Variants in RBFOX2 observed in about 807,000 individuals in gnomAD.
RBFOX2 encodes RNA binding fox-1 homolog 2.
A neutral mutation model predicts 49.1 loss-of-function variants in RBFOX2; 10 were observed. The observed-to-expected ratio is 0.20, with a 90% CI of 0.13 to 0.35. RBFOX2 has a LOEUF of 0.35. RBFOX2 is among the 10% of genes least tolerant of loss of function. The probability of loss-of-function intolerance (pLI) is 1.00; values close to 1 mark genes in which losing one functional copy is unlikely to be tolerated. For synonymous variants in RBFOX2, 183 were observed against 187.4 expected, an observed-to-expected ratio of 0.98 and a Z score of 0.19; for missense variants, 323 against 486.9, an observed-to-expected ratio of 0.66 and a Z score of 3.17.
At chr22:35,982,822 T>C (rs2057527956) in intron 1 of RBFOX2, among the ~76,000 whole-genome samples, 1 of 151,912 alleles carries the variant, frequency 6.6e-6, no homozygotes, top group South Asian at 2.1e-4. Flanking sequence ...ACTAATCCTA[T>C]TTATTAGTGT....
intron 1 of RBFOX2, among the ~76,000 whole-genome samples, chr22:35,819,572 A>G (rs1019564970): frequency 8.5e-5 from 13 of 152,208 alleles, no homozygotes; most frequent in African/African-American, 2.7e-4. Flanking sequence ...TCTCAAGTCC[A>G]AATACCTTTG....
At chr22:35,743,144 T>C (rs984468345) in exon 12 of RBFOX2, 11 of 152,458 alleles carry the variant, frequency 7.2e-5, no homozygotes, top group African/African-American at 2.7e-4. Flanking sequence ...CTTTGTACTT[T>C]CTGAGGCAAG....
At chr22:35,940,887 G>C (rs542697020), upstream of RBFOX2, among the ~76,000 whole-genome samples, 11 of 152,234 alleles carry the variant, frequency 7.2e-5, no homozygotes, top group African/African-American at 2.6e-4. Context: ...TATTCATAGA[G>C]GCAGAATATA....
chr22:35,896,337 G>A (rs2047838791), intron 1 of RBFOX2, among the ~76,000 whole-genome samples: 1 of 152,058 alleles, frequency 6.6e-6, no homozygotes, highest in South Asian at 2.1e-4. Flanking sequence ...ACGGTAACAG[G>A]TTTTGAGGAA....
intron 1 of RBFOX2, among the ~76,000 whole-genome samples, chr22:35,826,761 A>G (rs1014892555): frequency 6.6e-6 from 1 of 152,228 alleles, no homozygotes; most frequent in East Asian, 1.9e-4. Context: ...CTATACATAT[A>G]TAACTGTGAG....
chr22:35,916,309 T>C (rs913091542), intron 1 of RBFOX2, among the ~76,000 whole-genome samples: 60 of 152,286 alleles, frequency 3.9e-4, no homozygotes, highest in African/African-American at 1.4e-3. Context: ...TGTGACAGGG[T>C]CTCACTCTGT....
intron 1 of RBFOX2, chr22:35,822,829 T>C: frequency 4.6e-6 from 1 of 218,772 alleles, no homozygotes. Flanking sequence ...TGGGTTGTCT[T>C]TTTTTTTTTT....
chr22:35,760,615 C>T (rs1308878513), intron 8 of RBFOX2, among the ~76,000 whole-genome samples: 1 of 152,102 alleles, frequency 6.6e-6, no homozygotes, highest in Non-Finnish European at 1.5e-5. Context: ...CAACTCCTAC[C>T]CTGTCCTTTA....
chr22:35,926,472 G>C (rs1389542379), intron 1 of RBFOX2, among the ~76,000 whole-genome samples: 2 of 152,044 alleles, frequency 1.3e-5, no homozygotes, highest in African/African-American at 2.4e-5. Context: ...CAAAATAACA[G>C]GTCAATCTAT....
upstream of RBFOX2, among the ~76,000 whole-genome samples, chr22:35,843,457 T>A (rs1274056362): frequency 6.6e-6 from 1 of 152,242 alleles, no homozygotes; most frequent in African/African-American, 2.4e-5. Context: ...GAGTGTTTCA[T>A]CCAATCTCCA....
chr22:35,915,662 G>T (rs1029945853), intron 1 of RBFOX2, among the ~76,000 whole-genome samples: 13 of 152,146 alleles, frequency 8.5e-5, no homozygotes, highest in African/African-American at 3.1e-4. Flanking sequence ...TTAAACCAAA[G>T]AGAAAGCCTC....
chr22:35,768,021 A>G (rs1382399393), intron 5 of RBFOX2, among the ~76,000 whole-genome samples: 1 of 152,092 alleles, frequency 6.6e-6, no homozygotes, highest in Non-Finnish European at 1.5e-5. Flanking sequence ...ACACACACGC[A>G]CACACACACA....
At chr22:35,885,666 CTAGG>C (rs1450755010) in intron 1 of RBFOX2, among the ~76,000 whole-genome samples, 1 of 151,964 alleles carries the variant, frequency 6.6e-6, no homozygotes, top group Non-Finnish European at 1.5e-5. Flanking sequence ...GGAATGAAAG[CTAGG>C]TCGTTTCCCC....
At chr22:35,831,659 T>C (rs956070194) in intron 1 of RBFOX2, among the ~76,000 whole-genome samples, 1 of 152,328 alleles carries the variant, frequency 6.6e-6, no homozygotes, top group South Asian at 2.1e-4. Context: ...AATTGTTTAC[T>C]ATCTGGCCCT....
At chr22:35,789,779 G>C (rs904635145) in intron 2 of RBFOX2, among the ~76,000 whole-genome samples, 1 of 152,122 alleles carries the variant, frequency 6.6e-6, no homozygotes, top group African/African-American at 2.4e-5. Context: ...CGTGGTGGTG[G>C]TGGTTGTTGT....
chr22:35,872,753 G>A (rs887126565), intron 1 of RBFOX2, among the ~76,000 whole-genome samples: 5 of 152,174 alleles, frequency 3.3e-5, no homozygotes, highest in African/African-American at 1.2e-4. Flanking sequence ...GCTGGTGTTC[G>A]TCTCTTGACA....
chr22:35,835,279 T>G (rs1467059480), intron 1 of RBFOX2, among the ~76,000 whole-genome samples: 1 of 152,056 alleles, frequency 6.6e-6, no homozygotes, highest in East Asian at 1.9e-4. Context: ...AGGAATGGTA[T>G]ACCAGAAGGA....
intron 1 of RBFOX2, among the ~76,000 whole-genome samples, chr22:35,886,590 A>C (rs937161578): frequency 8.5e-5 from 13 of 152,248 alleles, no homozygotes; most frequent in African/African-American, 2.9e-4. Context: ...CTTAGGCTAC[A>C]AACATGTACA....
intron 2 of RBFOX2, among the ~76,000 whole-genome samples, chr22:35,803,147 A>AACACACACACACACAC (rs374346895): frequency 5.5e-5 from 8 of 145,758 alleles, no homozygotes; most frequent in Non-Finnish European, 7.6e-5. Flanking sequence ...AATTACTTAA[A>AACACACACACACACAC]ACACACACAC....
Sources: allele counts gnomAD v4.1 joint callset (sites outside exome capture counted in the v4.1 genomes callset), GRCh38; gene constraint gnomAD v4.1.1; transcripts MANE v1.5; gene names NCBI Gene and HGNC (gene_info 2026-07-23, HGNC 2026-07-21).